Variants in ACAD10 observed in about 807,000 individuals in gnomAD.
The protein encoded by ACAD10 is ACAD-10.
In ACAD10, 112 loss-of-function variants were observed where a neutral mutation model predicts 116.8. That is an observed-to-expected ratio of 0.96 (90% CI 0.82 to 1.12). The LOEUF is 1.12. Ranked by LOEUF, ACAD10 falls within the 50% of genes most tolerant of loss-of-function variation. The pLI is 0.00. For synonymous variants in ACAD10, 486 were observed against 510.6 expected (o/e 0.95, Z 0.65); for missense variants, 1,259 against 1,350.2 (o/e 0.93, Z 1.06).
chr12:111,736,742 C>T, intron 11 of ACAD10, 89 bp from the exon 12 acceptor site: 1 of 1,377,090 alleles, frequency 7.3e-7, no homozygotes, highest in Non-Finnish European at 9.8e-7. Context: ...TTGCAAGGGA[C>T]ATGGCGATTT....
At chr12:111,741,398 C>G (rs916895673) in intron 12 of ACAD10, among the ~76,000 whole-genome samples, 27 of 152,200 alleles carry the variant, frequency 1.8e-4, no homozygotes, top group African/African-American at 6.3e-4. Flanking sequence ...CTGGGAAAAG[C>G]TTAATAGACT....
In ACAD10 at chr12:111,744,448, G is replaced by A. The variant is rs986715746; in HGVS notation, c.1715-195G>A. 4 of 652,542 alleles carry A rather than the reference G, an allele frequency of 6.1e-6. No homozygotes were observed. The South Asian group carries it at 8.7e-5, about 14-fold the overall frequency. The allele number at this position is 652,542 out of a possible 1,614,324, so 40.4% of individuals were successfully genotyped here. A position where few individuals can be genotyped will look rare whatever the true frequency, so the allele number is the denominator to read the frequency against. On this transcript the variant is annotated intron_variant, in intron 12 of 20. Coordinates refer to ENST00000313698, the MANE Select transcript of ACAD10 (RefSeq NM_025247.6). The stretch of plus-strand genomic sequence containing the variant: ...CTTCTCTAAGACTCAGTTTTCTTGC[G>A]TGCAAAGTGCAGGTGAAAGCAGTTG...
chr12:111,706,075 A>G (rs1224298112), intron 4 of ACAD10, 143 bp downstream of exon 4: 1 of 842,476 alleles, frequency 1.2e-6, no homozygotes, highest in Non-Finnish European at 1.8e-6. Flanking sequence ...TAAATGCAAT[A>G]TGTTGAAAAC....
chr12:111,711,179 T>C (rs969905340), intron 5 of ACAD10, among the ~76,000 whole-genome samples: 3 of 152,214 alleles, frequency 2.0e-5, no homozygotes, highest in African/African-American at 7.2e-5. Flanking sequence ...GCAAAATTTA[T>C]TTAAAGACCT....
rs1888488217 is a variant in ACAD10, at chr12:111,705,882, C to T, written c.481C>T (p.Leu161Phe). Residue 161 changes from leucine to phenylalanine, a missense_variant, in exon 4 of 21, where the codon CTT becomes TTT. Physicochemically the swap from Leu to Phe is conservative, Grantham distance 22. Transcript: ENST00000313698. ...QTAVLSNNFY[L>F]PNQKSFLPLD... ...TGCAGTCTTGAGCAATAATTTTTAT[C>T]TTCCCAACCAGAAAAGCTTTTTGCC... is the stretch of plus-strand genomic sequence containing the variant. 4.3e-6 allele frequency: 7 copies of T among 1,614,152 alleles called. No homozygotes were observed. The highest frequency in any genetic ancestry group is 5.9e-6 in the Non-Finnish European group (7 of 1,180,030).
intron 1 of ACAD10, chr12:111,690,309 C>T (rs558205998): frequency 1.3e-5 from 2 of 152,240 alleles, no homozygotes; most frequent in South Asian, 4.1e-4. Flanking sequence ...ATATCTTATA[C>T]ACCTAGCCTG....
At chr12:111,732,815 T>C (rs1356121936) in intron 10 of ACAD10, among the ~76,000 whole-genome samples, 1 of 152,206 alleles carries the variant, frequency 6.6e-6, no homozygotes, top group Non-Finnish European at 1.5e-5. Context: ...GGCAAGCATG[T>C]GCTGTGGTTA....
intron 10 of ACAD10, among the ~76,000 whole-genome samples, chr12:111,731,955 C>T (rs1238918217): frequency 1.3e-5 from 2 of 152,040 alleles, no homozygotes; most frequent in Non-Finnish European, 2.9e-5. Flanking sequence ...TGGTGGTGCC[C>T]CTGTAATCCC....
rs774588291 is a variant in ACAD10 at position 111,749,343 on chromosome 12, C to G, written c.2815C>G (p.Arg939Gly). 1.9e-6 allele frequency: 3 copies of G among 1,611,410 alleles called. No homozygotes were observed. The highest frequency in any genetic ancestry group is 1.7e-4 in the Middle Eastern group (1 of 6,028). The change falls in exon 18 of 21, where the codon CGC becomes GGC. Residue 939 changes from arginine (R) to glycine (G), a missense_variant and splice_region_variant. Transcript: ENST00000313698. ...GAGGGCCCTGGCACTCATGAAGGCCCGCGTGAGTGCTTTCCCCCGCACCCA... is the reference window on the plus strand; with the variant it reads ...GAGGGCCCTGGCACTCATGAAGGCCGGCGTGAGTGCTTTCCCCCGCACCCA... ...SERALALMKA[R>G]VKSRLAFGKP... is the part of the protein sequence containing the mutation.
intron 8 of ACAD10, among the ~76,000 whole-genome samples, chr12:111,727,183 G>A (rs770205600): frequency 2.5e-4 from 38 of 151,792 alleles, no homozygotes; most frequent in Non-Finnish European, 4.6e-4. Context: ...CCAAGATCGC[G>A]CCACTGCACT....
At chr12:111,709,814 T>C in intron 5 of ACAD10, 130 bp downstream of exon 5, 1 of 1,076,868 alleles carries the variant, frequency 9.3e-7, no homozygotes. Flanking sequence ...AGTCATCTTA[T>C]TTTGTGTTAA....
intron 7 of ACAD10, among the ~76,000 whole-genome samples, chr12:111,719,008 G>A (rs1888932721): frequency 6.6e-6 from 1 of 151,936 alleles, no homozygotes; most frequent in African/African-American, 2.4e-5. Context: ...TCGAGGCTGA[G>A]GCAGGAGAAT....
intron 9 of ACAD10, among the ~76,000 whole-genome samples, chr12:111,728,689 TTTTG>T (rs769988617): frequency 2.2e-4 from 33 of 152,078 alleles, no homozygotes; most frequent in East Asian, 7.7e-4. Context: ...GGGATAGTTT[TTTTG>T]TTTGTTTGTT....
chr12:111,692,795 A>G lies in ACAD10; in HGVS notation c.86A>G (p.Gln29Arg), dbSNP rs746686935. ...AFLKHTQRRH[Q>R]GSHRWTHLGG... ...CTGAAACACACCCAGCGCAGGCACC[A>G]GGGGTCCCACCGATGGACACACCTT... The change falls in exon 2 of 21, where the codon CAG becomes CGG. Residue 29 changes from glutamine (Q) to arginine (R), a missense_variant. Gln to Arg is a conservative substitution (Grantham distance 43, BLOSUM62 1). Transcript: ENST00000313698. 1.2e-6 allele frequency: 2 copies of G among 1,614,084 alleles called. No individual in the cohort carries two copies. The highest frequency in any genetic ancestry group is 4.5e-5 in the East Asian group (2 of 44,894).
At chr12:111,721,574 C>G (rs995705545) in intron 7 of ACAD10, 97 bp from the exon 8 acceptor site, 1 of 1,233,628 alleles carries the variant, frequency 8.1e-7, no homozygotes, top group Non-Finnish European at 1.2e-6. Context: ...TCTCAAAAAA[C>G]AAAACAAACA....
intron 8 of ACAD10, among the ~76,000 whole-genome samples, chr12:111,722,421 G>A (rs1889041791): frequency 6.6e-6 from 1 of 151,502 alleles, no homozygotes; most frequent in African/African-American, 2.4e-5. Context: ...TAATTCTTGG[G>A]TGTTTCTCAC....
intron 9 of ACAD10, 64 bp downstream of exon 9, chr12:111,728,207 C>T: frequency 2.0e-6 from 3 of 1,507,550 alleles, no homozygotes; most frequent in Non-Finnish European, 1.8e-6. Context: ...CTTTTAGGAT[C>T]TGAATCGTTT....
rs1451454696 is a variant in ACAD10 at position 111,729,229 on chromosome 12, A to C, written c.1244-577A>C. Among the ~76,000 whole-genome samples, 8 of 152,180 alleles carry C rather than the reference A, an allele frequency of 5.3e-5. No individual in the cohort carries two copies. In the East Asian group the frequency reaches 1.5e-3, roughly 29 times the overall value. On this transcript the variant is annotated intron_variant, in intron 9 of 20. Transcript: ENST00000313698. ...AAAAAGTGATTTATGAAAGGCTATT[A>C]GGAAGCACAGAAGATCTTTTTTTTT...
intron 12 of ACAD10, among the ~76,000 whole-genome samples, chr12:111,738,961 G>A (rs745841033): frequency 2.6e-5 from 3 of 114,754 alleles, no homozygotes. Flanking sequence ...AGGTTGCCAG[G>A]AAAGCAACTT....
Sources: gnomAD v4.1 joint callset for allele counts (sites outside exome capture counted in the v4.1 genomes callset) on GRCh38, gnomAD v4.1.1 for gene constraint, MANE v1.5 for transcripts, NCBI Gene and HGNC (gene_info 2026-07-23, HGNC 2026-07-21) for gene names.